The following RXRG variants were observed in gnomAD, a reference collection of about 807,000 sequenced individuals.
RXRG encodes the protein retinoid X receptor gamma.
In RXRG, 19 loss-of-function variants were observed where a neutral mutation model predicts 49.2. The ratio of observed to expected loss-of-function variants is 0.39; its 90% CI spans 0.27 to 0.57. RXRG has a LOEUF of 0.57. RXRG is among the 20% of genes least tolerant of loss of function. The pLI is 0.64. For missense variants in RXRG, 452 were observed against 592.5 expected, an observed-to-expected ratio of 0.76 and a Z score of 2.46; for synonymous variants, 224 against 216.6, an observed-to-expected ratio of 1.03 and a Z score of -0.30.
At chr1:165,434,207 T>C (rs1373349328) in intron 1 of RXRG, among the ~76,000 whole-genome samples, 5 of 151,920 alleles carry the variant, frequency 3.3e-5, no homozygotes, top group Non-Finnish European at 5.9e-5. Flanking sequence ...CAACAGAAAT[T>C]ATTTGCATAA....
At chr1:165,427,399 CAT>C in intron 2 of RXRG, among the ~76,000 whole-genome samples, 1 of 145,220 alleles carries the variant, frequency 6.9e-6, no homozygotes, top group African/African-American at 2.6e-5. Context: ...TGGAATCTGT[CAT>C]ATGTTTTGTT....
At chr1:165,436,878 C>A in intron 1 of RXRG, 3 of 1,093,504 alleles carry the variant, frequency 2.7e-6, no homozygotes, top group Non-Finnish European at 2.2e-6. Context: ...AAGATCAATC[C>A]CAAACTCCTG....
chr1:165,401,799 A>G (rs745966307), intron 9 of RXRG, among the ~76,000 whole-genome samples: 11 of 152,358 alleles, frequency 7.2e-5, no homozygotes, highest in Non-Finnish European at 1.6e-4. Context: ...AGGCACTTAG[A>G]GCCAAGCGTG....
intron 1 of RXRG, 99 bp downstream of exon 1, chr1:165,444,746 C>T: frequency 9.5e-7 from 1 of 1,057,508 alleles, no homozygotes; most frequent in South Asian, 1.3e-5. Context: ...CATATATGTT[C>T]TCCTTTTAAT....
intron 4 of RXRG, among the ~76,000 whole-genome samples, chr1:165,416,170 G>T (rs1170201928): frequency 6.6e-6 from 1 of 152,070 alleles, no homozygotes; most frequent in Non-Finnish European, 1.5e-5. Context: ...GGGCCTGACT[G>T]AACTCCTTGT....
chr1:165,427,865 C>T (rs1484870717), intron 2 of RXRG, among the ~76,000 whole-genome samples: 1 of 152,198 alleles, frequency 6.6e-6, no homozygotes, highest in Non-Finnish European at 1.5e-5. Context: ...ATGAGAAAAG[C>T]ATGCCCCCAA....
At chr1:165,435,535 G>C (rs1557926019) in intron 1 of RXRG, among the ~76,000 whole-genome samples, 1 of 152,194 alleles carries the variant, frequency 6.6e-6, no homozygotes, top group Non-Finnish European at 1.5e-5. Flanking sequence ...AGGATGGAGG[G>C]GAGATAGTGG....
intron 3 of RXRG, among the ~76,000 whole-genome samples, chr1:165,418,175 T>C (rs928942254): frequency 1.3e-5 from 2 of 149,164 alleles, no homozygotes; most frequent in African/African-American, 4.9e-5. Context: ...ATTTGTTGCA[T>C]ATTTCATTGC....
At chr1:165,440,135 G>A (rs766416842) in intron 1 of RXRG, among the ~76,000 whole-genome samples, 7 of 152,218 alleles carry the variant, frequency 4.6e-5, no homozygotes, top group Non-Finnish European at 1.0e-4. Context: ...GGTAACTGCT[G>A]TAAGAATTTA....
intron 1 of RXRG, among the ~76,000 whole-genome samples, chr1:165,430,573 G>A (rs10489748): frequency 0.026 from 3,993 of 152,302 alleles, 84 homozygotes; most frequent in Admixed American, 0.062. Context: ...GTCATTCTAC[G>A]TATGGAGCTT....
At chr1:165,405,232 C>T (rs1346903717) in intron 9 of RXRG, among the ~76,000 whole-genome samples, 2 of 152,076 alleles carry the variant, frequency 1.3e-5, no homozygotes, top group Non-Finnish European at 2.9e-5. Flanking sequence ...ATAATATGTG[C>T]TCAAAAAATG....
chr1:165,427,180 A>T (rs1658512992), intron 2 of RXRG, among the ~76,000 whole-genome samples: 1 of 152,226 alleles, frequency 6.6e-6, no homozygotes, highest in South Asian at 2.1e-4. Context: ...AAGTTGACAC[A>T]TAAAGGCCCT....
chr1:165,434,340 A>C (rs1230352028), intron 1 of RXRG, among the ~76,000 whole-genome samples: 1 of 150,590 alleles, frequency 6.6e-6, no homozygotes, highest in Non-Finnish European at 1.5e-5. Context: ...GAAAGGGGAC[A>C]CAAAAGCCAG....
intron 1 of RXRG, among the ~76,000 whole-genome samples, chr1:165,442,060 A>G (rs1180842714): frequency 6.6e-6 from 1 of 152,210 alleles, no homozygotes; most frequent in South Asian, 2.1e-4. Context: ...ATTCTTATAC[A>G]AATCATGGGG....
At chr1:165,438,279 T>C (rs1658875932) in intron 1 of RXRG, among the ~76,000 whole-genome samples, 3 of 152,168 alleles carry the variant, frequency 2.0e-5, no homozygotes, top group African/African-American at 7.2e-5. Context: ...AAGGAAATGC[T>C]AATTGGAGCA....
At chr1:165,401,917 C>CA (rs1220795092) in intron 9 of RXRG, among the ~76,000 whole-genome samples, 1 of 152,318 alleles carries the variant, frequency 6.6e-6, no homozygotes, top group South Asian at 2.1e-4. Context: ...CCAGCCCCCA[C>CA]AAAAAATCTT....
At position 165,408,256 on chromosome 1, in the gene RXRG, C is replaced by T. The variant is rs1657821952; in HGVS notation, c.1109G>A (p.Cys370Tyr). 2 of 1,613,960 alleles carry T rather than the reference C, an allele frequency of 1.2e-6. No individual in the cohort carries two copies. The highest frequency in any genetic ancestry group is 2.2e-5 in the South Asian group (2 of 91,088). Residue 370 changes from cysteine (C) to tyrosine (Y), a missense_variant, in exon 8 of 10, where the codon TGC becomes TAC. This residue lies in a region of RXRG where 286 missense variants were observed against 440.9 expected (regional missense o/e 0.65). Coordinates refer to ENST00000359842, the MANE Select transcript of RXRG (RefSeq NM_006917.5). ...DMQMDKSELG[C>Y]LRAIVLFNPD... ...GTTAAAGAGTACAATGGCTCGCAGGCATCCCAGTTCCGACTTGTCCATCTG... is the reference window on the plus strand; with the variant it reads ...GTTAAAGAGTACAATGGCTCGCAGGTATCCCAGTTCCGACTTGTCCATCTG...
intron 9 of RXRG, among the ~76,000 whole-genome samples, chr1:165,402,950 C>CATGCATGCACACTCTTACACACAT (rs1557907598): frequency 6.6e-6 from 1 of 152,132 alleles, no homozygotes; most frequent in Non-Finnish European, 1.5e-5. Flanking sequence ...CTTACACACA[C>CATGCATGCACACTCTTACACACAT]GTGCATGCAT....
intron 2 of RXRG, among the ~76,000 whole-genome samples, chr1:165,426,788 G>A (rs1658499568): frequency 6.6e-6 from 1 of 152,146 alleles, no homozygotes; most frequent in Admixed American, 6.5e-5. Flanking sequence ...TGTCTCACAT[G>A]ATTTTGGAGG....
Sources: gnomAD v4.1 joint callset for allele counts (sites outside exome capture counted in the v4.1 genomes callset) on GRCh38, gnomAD v4.1.1 for gene constraint, gnomAD v4.1.1 regional missense constraint, MANE v1.5 for transcripts, NCBI Gene and HGNC (gene_info 2026-07-23, HGNC 2026-07-21) for gene names.